ITLN1: variants seen among roughly 807,000 people sequenced by gnomAD.
ITLN1 encodes intelectin-1.
In ITLN1, 29 loss-of-function variants were observed where a neutral mutation model predicts 36.2. The observed-to-expected ratio is 0.80, with a 90% confidence interval of 0.60 to 1.09. The LOEUF (loss-of-function observed/expected upper bound fraction) is 1.09, where lower values mean the gene tolerates loss of function less well. Ranked by LOEUF, ITLN1 falls within the 50% of genes least tolerant of loss-of-function variation. The pLI is 0.00. For missense variants in ITLN1, 358 were observed against 405.2 expected, an observed-to-expected ratio of 0.88 and a Z score of 1.00; for synonymous variants, 143 against 146.5, an observed-to-expected ratio of 0.98 and a Z score of 0.17.
At chr1:160,880,187 C>T (rs111921792) in intron 6 of ITLN1, among the ~76,000 whole-genome samples, 1,646 of 152,192 alleles carry the variant, frequency 0.011, 27 homozygotes, top group African/African-American at 0.038. Flanking sequence ...CACCTGTAAT[C>T]CCAGCTACTT....
chr1:160,883,026 A>C (rs946292659), intron 3 of ITLN1, among the ~76,000 whole-genome samples: 1 of 151,862 alleles, frequency 6.6e-6, no homozygotes, highest in African/African-American at 2.4e-5. Flanking sequence ...TGTACTCCAC[A>C]CCCAATTGAT....
chr1:160,885,048 C>G lies in ITLN1; in HGVS notation c.-7+13G>C. 1.8e-6 allele frequency: 1 copy of G among 563,028 alleles called. No individual in the cohort carries two copies. Among genetic ancestry groups the G allele is most frequent in the Non-Finnish European group, 3.2e-6 (1 of 310,546 alleles). 34.9% of individuals were successfully genotyped at this position (563,028 alleles called of 1,614,324 possible). A position where few individuals can be genotyped will look rare whatever the true frequency, so the allele number is the denominator to read the frequency against. On this transcript the variant is annotated intron_variant, in intron 1 of 7. Transcript: ENST00000326245. ...GACCTAAGCTGAAAACAGGATTCCC[C>G]CAACTCACAGACCTTGTCTGAGTCT...
intron 1 of ITLN1, 78 bp downstream of exon 1, chr1:160,884,983 C>T: frequency 5.5e-6 from 4 of 730,176 alleles, no homozygotes; most frequent in Admixed American, 4.3e-5. Context: ...AAACCCCTTG[C>T]CTTTTGTTTA....
chr1:160,879,402 G>A lies in ITLN1; in HGVS notation c.698C>T (p.Ala233Val), dbSNP rs369419342. ...YSPYGQREFTAGFVQFRVFNN... is the reference protein window; with the variant it reads ...YSPYGQREFTVGFVQFRVFNN... Reference sequence around the variant, plus strand: ...AAATACCCTGAACTGAACAAATCCCGCAGTGAATTCCCCTGAAAACAAGAG... The same window carrying A: ...AAATACCCTGAACTGAACAAATCCCACAGTGAATTCCCCTGAAAACAAGAG... The change falls in exon 7 of 8, where the codon GCG becomes GTG. Residue 233 changes from alanine to valine, a missense_variant. Ala to Val is a moderately conservative substitution (Grantham distance 64). Transcript: ENST00000326245. 8.7e-6 allele frequency: 14 copies of A among 1,613,544 alleles called. No individual in the cohort carries two copies. Among genetic ancestry groups the A allele is most frequent in the South Asian group, 3.3e-5 (3 of 91,062 alleles).
chr1:160,884,203 T>C (rs957942808), intron 2 of ITLN1, among the ~76,000 whole-genome samples: 2 of 151,462 alleles, frequency 1.3e-5, no homozygotes, highest in Admixed American at 1.3e-4. Context: ...CTGCTTAATA[T>C]GGCTGAAACA....
In ITLN1 at chr1:160,883,157, C is replaced by G. The variant is rs191058007; in HGVS notation, c.157+271G>C. On this transcript the variant is annotated intron_variant, in intron 3 of 7. Coordinates refer to ENST00000326245, the MANE Select transcript of ITLN1 (RefSeq NM_017625.3). ...TGCTGGGATTACAGGCCTGAGCCACCGCACCCGGCCCCTCCATGTTATTAA... is the reference window on the plus strand; with the variant it reads ...TGCTGGGATTACAGGCCTGAGCCACGGCACCCGGCCCCTCCATGTTATTAA... Among the ~76,000 whole-genome samples the G allele has an allele frequency of 3.5e-4, 53 of 152,226 alleles. 1 individual carries two copies. Among genetic ancestry groups the G allele is most frequent in the Admixed American group, 2.4e-3 (37 of 15,302 alleles).
chr1:160,883,676 C>A (rs1372666566), intron 2 of ITLN1, 150 bp from the exon 3 acceptor site: 4 of 576,714 alleles, frequency 6.9e-6, no homozygotes, highest in East Asian at 3.1e-5. Context: ...ATCCACTCAG[C>A]CCATCAGTGT....
intron 7 of ITLN1, among the ~76,000 whole-genome samples, chr1:160,878,766 C>T (rs1441938667): frequency 6.6e-6 from 1 of 152,106 alleles, no homozygotes; most frequent in Admixed American, 6.6e-5. Flanking sequence ...TCAATCCCAC[C>T]ATTCAGGATT....
chr1:160,884,783 A>T, intron 2 of ITLN1, 37 bp downstream of exon 2: 1 of 1,465,522 alleles, frequency 6.8e-7, no homozygotes, highest in South Asian at 1.2e-5. Flanking sequence ...GAAGTCATCC[A>T]GCTGAAGGAA....
At position 160,881,961 on chromosome 1, in the gene ITLN1, T is replaced by C. The variant is rs745659385; in HGVS notation, c.401A>G (p.Tyr134Cys). 1.2e-6 allele frequency: 2 copies of C among 1,614,154 alleles called. No individual in the cohort carries two copies. The highest frequency in any genetic ancestry group is 1.1e-5 in the South Asian group (1 of 91,078). Residue 134 changes from tyrosine to cysteine, a missense_variant, in exon 4 of 8, where the codon TAC becomes TGC. Tyr to Cys is a radical substitution (Grantham distance 194, BLOSUM62 -2). Coordinates refer to ENST00000326245, the MANE Select transcript of ITLN1 (RefSeq NM_017625.3). ...TGGGTAAGAAGTGGCACCAACCTTG[T>C]AGTCATCGCTCGTGGCCGCCTCTGC... ...GSAEAATSDD[Y>C]KNPGYYDIQA...
intron 5 of ITLN1, 23 bp downstream of exon 5, chr1:160,881,131 T>G (rs1175948776): frequency 6.3e-7 from 1 of 1,580,412 alleles, no homozygotes; most frequent in South Asian, 1.2e-5. Context: ...TGAAAACCAG[T>G]CCCAGCCAGC....
rs1389789698 is a variant in ITLN1, at chr1:160,880,634, A to G, written c.639T>C (p.Phe213=). The G allele has an allele frequency of 6.2e-7, 1 of 1,614,118 alleles. No individual in the cohort carries two copies. Among genetic ancestry groups the G allele is most frequent in the East Asian group, 2.2e-5 (1 of 44,874 alleles). The change falls in exon 6 of 8, where the codon TTT becomes TTC. Residue 213 remains phenylalanine, a synonymous_variant. Coordinates refer to ENST00000326245, the MANE Select transcript of ITLN1 (RefSeq NM_017625.3). ...NGPVIPVVYD[F]GDAQKTASYY... ...AAGATGCTGTTTTCTGGGCGTCGCC[A>G]AAATCATAGACCACAGGGATCACCG...
chr1:160,881,586 G>GGTGGA (rs1670678833), intron 4 of ITLN1: 1 of 484,200 alleles, frequency 2.1e-6, no homozygotes, highest in African/African-American at 2.0e-5. Flanking sequence ...AGGCGGGCAG[G>GGTGGA]TCACTTGAGG....
At chr1:160,877,813 C>A (rs1200230736) in intron 7 of ITLN1, among the ~76,000 whole-genome samples, 1 of 152,158 alleles carries the variant, frequency 6.6e-6, no homozygotes, top group African/African-American at 2.4e-5. Flanking sequence ...ATTTTACCAC[C>A]AGCTCCTTGA....
In ITLN1 at chr1:160,882,178, T is replaced by C; in HGVS notation, c.184A>G (p.Asn62Asp). 1 of 1,593,300 alleles carries C rather than the reference T, an allele frequency of 6.3e-7. No individual in the cohort carries two copies. Among genetic ancestry groups the C allele is most frequent in the Non-Finnish European group, 8.6e-7 (1 of 1,168,212 alleles). Reference sequence around the variant, plus strand: ...CAGAAGGTCTGGTAGATAACACCATTCTCAGTGCGGAGAAAATACAGGCCA... The same window carrying C: ...CAGAAGGTCTGGTAGATAACACCATCCTCAGTGCGGAGAAAATACAGGCCA... ...FDGLYFLRTE[N>D]GVIYQTFCDM... The change falls in exon 4 of 8, where the codon AAT becomes GAT. Residue 62 changes from asparagine to aspartate, a missense_variant. Transcript: ENST00000326245.
At chr1:160,882,503 C>T (rs1670697809) in intron 3 of ITLN1, among the ~76,000 whole-genome samples, 1 of 152,208 alleles carries the variant, frequency 6.6e-6, no homozygotes, top group African/African-American at 2.4e-5. Context: ...GAATTGAAAA[C>T]AGGGCCTCAA....
intron 4 of ITLN1, 128 bp downstream of exon 4, chr1:160,881,829 A>ATG: frequency 1.5e-5 from 17 of 1,120,178 alleles, no homozygotes; most frequent in Non-Finnish European, 2.0e-5. Context: ...AAAAAAAGAT[A>ATG]TAAGTATTTC....
chr1:160,877,860 T>C (rs1239109480), intron 7 of ITLN1, among the ~76,000 whole-genome samples: 2 of 152,182 alleles, frequency 1.3e-5, no homozygotes, highest in Non-Finnish European at 2.9e-5. Flanking sequence ...TCTCATGAGA[T>C]CTGGACATTT....
chr1:160,876,795 A>G lies in ITLN1; in HGVS notation c.811T>C (p.Tyr271His). 6.2e-7 allele frequency: 1 copy of G among 1,614,258 alleles called. No individual in the cohort carries two copies. Among genetic ancestry groups the G allele is most frequent in the South Asian group, 1.1e-5 (1 of 91,088 alleles). The change falls in exon 8 of 8, where the codon TAC becomes CAC. Residue 271 changes from tyrosine (Y) to histidine (H), a missense_variant. Physicochemically the swap from Tyr to His is moderately conservative, Grantham distance 83 (BLOSUM62 2). Transcript: ENST00000326245. ...TEHHCIGGGG[Y>H]FPEASPQQCG... ...TGCTGGGGACTGGCCTCTGGAAAGT[A>G]TCCTCCTCCACCAATGCAGTGCTGG...
Sources: gnomAD v4.1 joint callset for allele counts (sites outside exome capture counted in the v4.1 genomes callset) on GRCh38, gnomAD v4.1.1 for gene constraint, MANE v1.5 for transcripts, NCBI Gene and HGNC (gene_info 2026-07-23, HGNC 2026-07-21) for gene names.